MAGI2: variants seen among roughly 807,000 people sequenced by gnomAD.
MAGI2 encodes membrane-associated guanylate kinase, WW and PDZ domain-containing protein 2.
Under a neutral mutation model 133.3 loss-of-function variants are expected in MAGI2, and 35 were observed. The observed-to-expected ratio is 0.26, with a 90% CI of 0.20 to 0.35. MAGI2 has a LOEUF of 0.35. Ranked by LOEUF, MAGI2 falls within the 10% of genes least tolerant of loss-of-function variation. The pLI is 1.00. For missense variants in MAGI2, 1,636 were observed against 1,863.4 expected, an observed-to-expected ratio of 0.88 and a Z score of 2.25; for synonymous variants, 729 against 710.6, an observed-to-expected ratio of 1.03 and a Z score of -0.41.
chr7:79,406,640 T>G (rs1018938279), intron 1 of MAGI2, among the ~76,000 whole-genome samples: 17 of 152,132 alleles, frequency 1.1e-4, no homozygotes, highest in Non-Finnish European at 4.4e-5. Flanking sequence ...TATAATCATT[T>G]TTTCATCTTC....
chr7:79,163,001 T>C (rs1035474323), intron 1 of MAGI2, among the ~76,000 whole-genome samples: 3 of 151,800 alleles, frequency 2.0e-5, no homozygotes, highest in African/African-American at 7.3e-5. Context: ...CCATAGGGAG[T>C]CCTGCCAAGG....
chr7:79,236,271 G>T (rs963846539), intron 1 of MAGI2, among the ~76,000 whole-genome samples: 7 of 152,102 alleles, frequency 4.6e-5, no homozygotes, highest in African/African-American at 1.7e-4. Flanking sequence ...GTTAATACAT[G>T]ATCAATAATT....
intron 3 of MAGI2, among the ~76,000 whole-genome samples, chr7:78,595,336 G>A (rs955295796): frequency 6.6e-6 from 1 of 152,108 alleles, no homozygotes; most frequent in Non-Finnish European, 1.5e-5. Context: ...ATTTAAAGTG[G>A]TATTTGACTT....
intron 3 of MAGI2, among the ~76,000 whole-genome samples, chr7:78,603,430 G>A (rs1259774303): frequency 6.6e-6 from 1 of 152,164 alleles, no homozygotes; most frequent in East Asian, 1.9e-4. Context: ...AACAAGACCT[G>A]TATGAAGGCC....
chr7:78,525,531 A>T (rs1584497637), intron 3 of MAGI2, among the ~76,000 whole-genome samples: 1 of 152,240 alleles, frequency 6.6e-6, no homozygotes, highest in East Asian at 1.9e-4. Context: ...TTAAAATACA[A>T]TTTGGAAAAA....
intron 10 of MAGI2, among the ~76,000 whole-genome samples, chr7:78,214,525 A>G (rs199520220): frequency 6.6e-6 from 1 of 152,196 alleles, no homozygotes; most frequent in East Asian, 1.9e-4. Context: ...ATGTCATTTT[A>G]AGATTTCTTA....
intron 1 of MAGI2, among the ~76,000 whole-genome samples, chr7:79,250,731 A>G (rs993823863): frequency 9.2e-5 from 14 of 152,152 alleles, no homozygotes; most frequent in African/African-American, 3.4e-4. Context: ...CCCTACAGAA[A>G]TAGGAAAAAA....
intron 9 of MAGI2, among the ~76,000 whole-genome samples, chr7:78,288,141 T>C (rs191626293): frequency 2.0e-5 from 3 of 152,284 alleles, no homozygotes; most frequent in African/African-American, 7.2e-5. Flanking sequence ...ATAGAAAACA[T>C]TTCCAGGCCT....
chr7:78,953,438 T>C (rs561044548), intron 2 of MAGI2, among the ~76,000 whole-genome samples: 1 of 152,254 alleles, frequency 6.6e-6, no homozygotes, highest in African/African-American at 2.4e-5. Flanking sequence ...GTTTTGTGTG[T>C]GTCTCTGTGT....
chr7:78,352,523 C>T (rs1207119646), intron 7 of MAGI2, among the ~76,000 whole-genome samples: 1 of 152,124 alleles, frequency 6.6e-6, no homozygotes, highest in Non-Finnish European at 1.5e-5. Context: ...TCATTATTTC[C>T]TACTGTACCT....
chr7:79,111,755 C>T (rs1351718922), intron 1 of MAGI2, among the ~76,000 whole-genome samples: 2 of 152,040 alleles, frequency 1.3e-5, no homozygotes, highest in Admixed American at 1.3e-4. Context: ...CAAGCTCCGC[C>T]TCCCAGGTTC....
In MAGI2 at chr7:79,185,174, T is replaced by G. The variant is rs10235668; in HGVS notation, c.302-177968A>C. On this transcript the variant is annotated intron_variant, in intron 1 of 21. Transcript: ENST00000354212. ...GATGCTGAGAGAAATGATTAAATTG[T>G]GAATAATGAGTTTGACAATTTCAGA... 3.7e-3 allele frequency among the ~76,000 whole-genome samples: 558 copies of G among 151,914 alleles called. 12 individuals are homozygous for G. The highest frequency in any genetic ancestry group is 0.013 in the African/African-American group (540 of 41,378).
At chr7:79,225,068 C>T (rs1214218893) in intron 1 of MAGI2, among the ~76,000 whole-genome samples, 1 of 152,158 alleles carries the variant, frequency 6.6e-6, no homozygotes, top group African/African-American at 2.4e-5. Flanking sequence ...TTTGGGGCAA[C>T]TCCTGCTTAC....
chr7:78,692,179 A>G (rs565638836), intron 2 of MAGI2, among the ~76,000 whole-genome samples: 12 of 152,360 alleles, frequency 7.9e-5, no homozygotes, highest in African/African-American at 2.9e-4. Context: ...GATGGATATC[A>G]TGCTGAAAAT....
At chr7:79,272,026 G>T (rs550403341) in intron 1 of MAGI2, among the ~76,000 whole-genome samples, 1 of 152,078 alleles carries the variant, frequency 6.6e-6, no homozygotes, top group African/African-American at 2.4e-5. Context: ...ACACTGAGTT[G>T]TGGTTTAAAA....
chr7:79,327,434 A>C (rs952779625), intron 1 of MAGI2, among the ~76,000 whole-genome samples: 32 of 152,204 alleles, frequency 2.1e-4, no homozygotes, highest in African/African-American at 7.7e-4. Context: ...GGTTCCACTC[A>C]GATGGCTGTT....
chr7:79,058,508 A>G (rs930555250), intron 1 of MAGI2, among the ~76,000 whole-genome samples: 37 of 152,270 alleles, frequency 2.4e-4, no homozygotes, highest in African/African-American at 8.4e-4. Flanking sequence ...CAGGCAGATC[A>G]GTGGGTAATA....
chr7:78,934,552 C>A (rs1168369999), intron 2 of MAGI2, among the ~76,000 whole-genome samples: 1 of 152,120 alleles, frequency 6.6e-6, no homozygotes, highest in Non-Finnish European at 1.5e-5. Flanking sequence ...CACAGACTGT[C>A]CACATAGGTG....
intron 1 of MAGI2, chr7:79,414,819 T>C (rs977392334): frequency 1.3e-5 from 2 of 152,190 alleles, no homozygotes; most frequent in Non-Finnish European, 2.9e-5. Flanking sequence ...TTCTCCTCTT[T>C]ACGTCTTTCC....
Sources: gnomAD v4.1 joint callset for allele counts (sites outside exome capture counted in the v4.1 genomes callset) on GRCh38, gnomAD v4.1.1 for gene constraint, MANE v1.5 for transcripts, NCBI Gene and HGNC (gene_info 2026-07-23, HGNC 2026-07-21) for gene names.